PLCB4: variants seen among roughly 807,000 people sequenced by gnomAD.
The protein encoded by PLCB4 is phospholipase C beta 4.
A neutral mutation model predicts 178.8 loss-of-function variants in PLCB4; 77 were observed. That is an observed-to-expected ratio of 0.43 (90% CI 0.36 to 0.52). PLCB4 has a LOEUF of 0.52. Ranked by LOEUF, PLCB4 falls within the 20% of genes least tolerant of loss-of-function variation. The pLI is 0.00. For synonymous variants in PLCB4, 496 were observed against 490.8 expected (o/e 1.01, Z -0.14); for missense variants, 1,024 against 1,453.4 (o/e 0.70, Z 4.80).
intron 3 of PLCB4, among the ~76,000 whole-genome samples, chr20:9,252,428 C>T (rs949881109): frequency 6.6e-6 from 1 of 152,174 alleles, no homozygotes; most frequent in Non-Finnish European, 1.5e-5. Flanking sequence ...CTAAGCTGTT[C>T]TCAATCTTGG....
At chr20:9,168,363 C>T (rs910961587) in intron 2 of PLCB4, among the ~76,000 whole-genome samples, 2 of 152,128 alleles carry the variant, frequency 1.3e-5, no homozygotes, top group African/African-American at 4.8e-5. Flanking sequence ...TTTACCTGCA[C>T]CTGTTTACCT....
intron 20 of PLCB4, 133 bp downstream of exon 20, chr20:9,401,723 T>G: frequency 1.6e-6 from 1 of 631,556 alleles, no homozygotes; most frequent in Non-Finnish European, 2.8e-6. Flanking sequence ...TACGAGTCTG[T>G]GCTGGGTGAC....
At chr20:9,371,871 T>C (rs1224269361) in intron 10 of PLCB4, among the ~76,000 whole-genome samples, 1 of 152,232 alleles carries the variant, frequency 6.6e-6, no homozygotes, top group Non-Finnish European at 1.5e-5. Context: ...GTTTGAAAAG[T>C]AAAATCTTAC....
chr20:9,480,563 AG>A lies in PLCB4; in HGVS notation c.*1559del, dbSNP rs1437021592. ...TACATGATATCATCGTTATTTTCAA[AG>A]GGGGCTTATTAATACCCTCAGCATG... On this transcript the variant is annotated 3_prime_UTR_variant, in exon 40 of 40. Transcript: ENST00000378473. 6.6e-6 allele frequency: 1 copy of A among 152,264 alleles called. No individual in the cohort carries two copies. Among genetic ancestry groups the A allele is most frequent in the African/African-American group, 2.4e-5 (1 of 41,444 alleles). The allele number at this position is 152,264 out of a possible 1,614,324, so 9.4% of individuals were successfully genotyped here. A position where few individuals can be genotyped will look rare whatever the true frequency, so the allele number is the denominator to read the frequency against.
intron 2 of PLCB4, among the ~76,000 whole-genome samples, chr20:9,112,256 C>CTTTTTT (rs924027156): frequency 7.3e-6 from 1 of 137,172 alleles, no homozygotes. Context: ...ATACCCTACT[C>CTTTTTT]TTTTTTTTTT....
chr20:9,111,478 C>T (rs1329658950), intron 2 of PLCB4, among the ~76,000 whole-genome samples: 4 of 152,106 alleles, frequency 2.6e-5, no homozygotes, highest in African/African-American at 9.7e-5. Context: ...GGGCCTAGCC[C>T]AGGTGACAGA....
chr20:9,389,304 C>G (rs181548928), intron 15 of PLCB4, among the ~76,000 whole-genome samples: 1 of 152,138 alleles, frequency 6.6e-6, no homozygotes, highest in Non-Finnish European at 1.5e-5. Context: ...AACGAGAACC[C>G]CTTCCCCCGG....
rs577218706 is a variant in PLCB4 at position 9,217,096 on chromosome 20, T to C, written c.-78-294T>C. Among the ~76,000 whole-genome samples, 9 of 152,284 alleles carry C rather than the reference T, an allele frequency of 5.9e-5. No individual in the cohort carries two copies. The East Asian group carries it at 9.6e-4, about 16-fold the overall frequency. On this transcript the variant is annotated intron_variant, in intron 2 of 39. Coordinates refer to ENST00000378473, the MANE Select transcript of PLCB4 (RefSeq NM_001377142.1). ...ACTTTGAGAAGGTTTTAGATAGCCT[T>C]GTTGTTCTATTGCTGCTTAATTATT...
chr20:9,433,618 T>G (rs2041574744), intron 28 of PLCB4, among the ~76,000 whole-genome samples: 1 of 152,258 alleles, frequency 6.6e-6, no homozygotes, highest in Non-Finnish European at 1.5e-5. Context: ...AACAAATGTT[T>G]ATAATTGTTG....
chr20:9,260,505 C>CA lies in PLCB4; in HGVS notation c.-16+43060dup, dbSNP rs1219886685. Among the ~76,000 whole-genome samples the CA allele has an allele frequency of 2.0e-5, 3 of 151,690 alleles. No individual in the cohort carries two copies. In the South Asian group the frequency reaches 6.2e-4, roughly 32 times the overall value. On this transcript the variant is annotated intron_variant, in intron 3 of 39. Coordinates refer to ENST00000378473, the MANE Select transcript of PLCB4 (RefSeq NM_001377142.1). ...TGTATGTTTTGAAAAATGCAGACTG[C>CA]AAAAAAATGTATAGAGTGACATCAT...
chr20:9,467,964 C>T (rs779878003), intron 35 of PLCB4, among the ~76,000 whole-genome samples: 2 of 152,274 alleles, frequency 1.3e-5, no homozygotes, highest in East Asian at 3.9e-4. Context: ...TGGTTGGTCA[C>T]CTGCAAACCT....
At chr20:9,293,622 T>TCATTCATTC (rs139529215) in intron 3 of PLCB4, among the ~76,000 whole-genome samples, 3 of 150,748 alleles carry the variant, frequency 2.0e-5, no homozygotes, top group Non-Finnish European at 4.4e-5. Flanking sequence ...CAGAGTAAAA[T>TCATTCATTC]ATTCATTCAT....
At chr20:9,393,081 G>T (rs1057312331) in intron 17 of PLCB4, among the ~76,000 whole-genome samples, 5 of 152,040 alleles carry the variant, frequency 3.3e-5, no homozygotes, top group Admixed American at 6.5e-5. Context: ...CTCCCTTCTT[G>T]ATTCCCTTAT....
At chr20:9,406,492 T>C (rs948604233) in intron 21 of PLCB4, among the ~76,000 whole-genome samples, 14 of 113,090 alleles carry the variant, frequency 1.2e-4, no homozygotes, top group Admixed American at 4.7e-4. Context: ...AAATTGACCA[T>C]TTTTTTTTTT....
At chr20:9,396,422 T>C (rs1468243549) in intron 19 of PLCB4, among the ~76,000 whole-genome samples, 3 of 152,222 alleles carry the variant, frequency 2.0e-5, no homozygotes, top group African/African-American at 7.2e-5. Context: ...CAGAATTATC[T>C]CTGTGTAGCT....
rs73093841 is a variant in PLCB4 at position 9,251,928 on chromosome 20, A to C, written c.-16+34476A>C. The stretch of plus-strand genomic sequence containing the variant: ...TATCATTTCCACATGTACCCAATAT[A>C]TAAAAATTGTCAGCGAGATATTTTA... On this transcript the variant is annotated intron_variant, in intron 3 of 39. Coordinates refer to ENST00000378473, the MANE Select transcript of PLCB4 (RefSeq NM_001377142.1). Among the ~76,000 whole-genome samples, 326 of 152,330 alleles carry C rather than the reference A, an allele frequency of 2.1e-3. 1 individual carries two copies. The highest frequency in any genetic ancestry group is 3.7e-3 in the Non-Finnish European group (249 of 68,028).
At chr20:9,360,041 A>G (rs2035186402) in intron 7 of PLCB4, among the ~76,000 whole-genome samples, 1 of 152,182 alleles carries the variant, frequency 6.6e-6, no homozygotes, top group African/African-American at 2.4e-5. Flanking sequence ...GTGAGGAGAG[A>G]AGTGTGGGCA....
intron 2 of PLCB4, among the ~76,000 whole-genome samples, chr20:9,110,066 A>G (rs2091518575): frequency 6.6e-6 from 1 of 152,100 alleles, no homozygotes. Context: ...TTATTAAGCA[A>G]TGGGTATTTT....
chr20:9,098,777 G>C (rs1294565756), intron 2 of PLCB4, among the ~76,000 whole-genome samples: 1 of 99,522 alleles, frequency 1.0e-5, no homozygotes, highest in Non-Finnish European at 1.9e-5. Flanking sequence ...ATATATATGA[G>C]ACTATTTAAT....
Sources: allele counts gnomAD v4.1 joint callset (sites outside exome capture counted in the v4.1 genomes callset), GRCh38; gene constraint gnomAD v4.1.1; transcripts MANE v1.5; gene names NCBI Gene and HGNC (gene_info 2026-07-23, HGNC 2026-07-21).